Variants in B3GALT5 observed in about 807,000 individuals in gnomAD.
B3GALT5 encodes the protein beta-1,3-galactosyltransferase 5.
For missense variants in B3GALT5, 328 were observed against 396.6 expected (o/e 0.83, Z 1.47); for synonymous variants, 156 against 158.6 (o/e 0.98, Z 0.12).
chr21:39,658,868 TA>T (rs34126214), intron 2 of B3GALT5, among the ~76,000 whole-genome samples: 110,956 of 151,702 alleles, frequency 0.73, 41,207 homozygotes, highest in Middle Eastern at 0.82. Flanking sequence ...TCCATTATTA[TA>T]TTCCTATTGC....
intron 2 of B3GALT5, among the ~76,000 whole-genome samples, chr21:39,654,949 T>G (rs1481897731): frequency 6.6e-6 from 1 of 152,258 alleles, no homozygotes; most frequent in East Asian, 1.9e-4. Flanking sequence ...AAGTATTTGC[T>G]CTTTTATGAT....
intron 2 of B3GALT5, among the ~76,000 whole-genome samples, chr21:39,659,163 C>T (rs1342676035): frequency 2.0e-5 from 3 of 152,080 alleles, no homozygotes; most frequent in Admixed American, 6.6e-5. Flanking sequence ...ACAGGAGGAT[C>T]GCTTGAGCCC....
At chr21:39,623,657 G>A (rs1214130212) in intron 1 of B3GALT5, among the ~76,000 whole-genome samples, 2 of 152,110 alleles carry the variant, frequency 1.3e-5, no homozygotes, top group Non-Finnish European at 2.9e-5. Flanking sequence ...TATTGGTCAT[G>A]GGAAATGGCT....
intron 2 of B3GALT5, among the ~76,000 whole-genome samples, chr21:39,653,685 A>C (rs1423193687): frequency 1.3e-5 from 2 of 152,216 alleles, no homozygotes; most frequent in Non-Finnish European, 2.9e-5. Context: ...GATTCCAAAC[A>C]TGTTCCTCTA....
At chr21:39,626,592 C>T (rs561502321) in intron 1 of B3GALT5, among the ~76,000 whole-genome samples, 64 of 152,128 alleles carry the variant, frequency 4.2e-4, no homozygotes, top group African/African-American at 1.3e-3. Flanking sequence ...TGCCAACATT[C>T]GTTATTTTCT....
chr21:39,639,288 C>CCCTT (rs2079254429), intron 1 of B3GALT5, among the ~76,000 whole-genome samples: 15 of 98,528 alleles, frequency 1.5e-4, no homozygotes, highest in East Asian at 1.0e-3. Flanking sequence ...AGGCATCTGG[C>CCCTT]TCTTTCTTTC....
chr21:39,657,741 C>G lies in B3GALT5; in HGVS notation c.-160-2012C>G, dbSNP rs187613186. 129 of 693,450 alleles carry G rather than the reference C, an allele frequency of 1.9e-4. No homozygotes were observed. The African/African-American group carries it at 2.1e-3, about 11-fold the overall frequency. The allele number at this position is 693,450 out of a possible 1,614,324, so 43.0% of individuals were successfully genotyped here. On this transcript the variant is annotated intron_variant, in intron 2 of 3. Transcript: ENST00000684187. ...TCTATCTTTTGATTAATCTACCTAT[C>G]AATCTTTCTATCTATCCATAACCTG...
intron 2 of B3GALT5, among the ~76,000 whole-genome samples, chr21:39,650,135 T>C (rs1178114560): frequency 6.6e-6 from 1 of 152,156 alleles, no homozygotes; most frequent in African/African-American, 2.4e-5. Flanking sequence ...TGGAAGGGCC[T>C]GGGATGAAGG....
intron 2 of B3GALT5, among the ~76,000 whole-genome samples, chr21:39,652,668 G>C (rs755609009): frequency 1.3e-5 from 2 of 152,200 alleles, no homozygotes; most frequent in African/African-American, 2.4e-5. Flanking sequence ...TATTGATTTG[G>C]CAATTAGTGA....
chr21:39,656,476 C>T (rs2079445695), intron 2 of B3GALT5, among the ~76,000 whole-genome samples: 1 of 152,190 alleles, frequency 6.6e-6, no homozygotes, highest in Non-Finnish European at 1.5e-5. Flanking sequence ...GAATGCTCAC[C>T]AGCTTCCTCT....
chr21:39,639,362 C>CTTTT, intron 1 of B3GALT5, among the ~76,000 whole-genome samples: 11 of 127,508 alleles, frequency 8.6e-5, no homozygotes, highest in South Asian at 2.9e-4. Flanking sequence ...TTCCTTCCTT[C>CTTTT]CTTCCTTCCT....
chr21:39,634,242 A>G (rs1257521605), intron 1 of B3GALT5, among the ~76,000 whole-genome samples: 1 of 152,186 alleles, frequency 6.6e-6, no homozygotes, highest in Non-Finnish European at 1.5e-5. Context: ...CAAGAAGTAG[A>G]GGAAGGTCAG....
chr21:39,638,231 C>T lies in B3GALT5; in HGVS notation c.-391-8161C>T, dbSNP rs2079243051. 2.0e-5 allele frequency among the ~76,000 whole-genome samples: 3 copies of T among 152,248 alleles called. No individual in the cohort carries two copies. The South Asian group carries it at 6.2e-4, about 32-fold the overall frequency. Reference sequence around the variant, plus strand: ...TGCCCAAATGTTGCATTTCCCAAGACCACCCTGGCCTGCCACACCCCCATA... The same window carrying T: ...TGCCCAAATGTTGCATTTCCCAAGATCACCCTGGCCTGCCACACCCCCATA... On this transcript the variant is annotated intron_variant, in intron 1 of 3. Coordinates refer to ENST00000684187, the MANE Select transcript of B3GALT5 (RefSeq NM_001356336.2).
At chr21:39,636,432 G>A (rs958992826) in intron 1 of B3GALT5, among the ~76,000 whole-genome samples, 5 of 152,102 alleles carry the variant, frequency 3.3e-5, no homozygotes, top group Non-Finnish European at 1.5e-5. Flanking sequence ...ATCCTGGGAA[G>A]AGAAACCCCG....
At chr21:39,658,405 G>A (rs1347090699) in intron 2 of B3GALT5, among the ~76,000 whole-genome samples, 1 of 152,114 alleles carries the variant, frequency 6.6e-6, no homozygotes, top group Non-Finnish European at 1.5e-5. Flanking sequence ...AAGGTTTACT[G>A]TTAAAGCAAC....
intron 2 of B3GALT5, among the ~76,000 whole-genome samples, chr21:39,653,122 C>T (rs756536512): frequency 6.6e-6 from 1 of 152,152 alleles, no homozygotes; most frequent in Non-Finnish European, 1.5e-5. Flanking sequence ...AATTCTCCAC[C>T]AAAGATAAAC....
intron 2 of B3GALT5, among the ~76,000 whole-genome samples, chr21:39,650,914 G>A (rs1400133975): frequency 1.3e-5 from 2 of 150,974 alleles, no homozygotes; most frequent in African/African-American, 2.4e-5. Flanking sequence ...CCACCCCAGC[G>A]CCAACACCCT....
intron 2 of B3GALT5, among the ~76,000 whole-genome samples, chr21:39,659,033 G>T (rs904511846): frequency 6.6e-6 from 1 of 152,196 alleles, no homozygotes; most frequent in African/African-American, 2.4e-5. Flanking sequence ...GTGAGCCCAG[G>T]AGTTTGAGAC....
intron 1 of B3GALT5, among the ~76,000 whole-genome samples, chr21:39,623,137 CCCTCCCTT>C: frequency 8.1e-6 from 1 of 123,602 alleles, no homozygotes; most frequent in African/African-American, 3.2e-5. Context: ...CTTCCTTCCT[CCCTCCCTT>C]CCTCCCTTTC....
Sources: gnomAD v4.1 joint callset for allele counts (sites outside exome capture counted in the v4.1 genomes callset) on GRCh38, gnomAD v4.1.1 for gene constraint, MANE v1.5 for transcripts, NCBI Gene and HGNC (gene_info 2026-07-23, HGNC 2026-07-21) for gene names.